PPP1R36: variants seen among roughly 807,000 people sequenced by gnomAD.
PPP1R36 encodes chromosome 14 open reading frame 50.
PPP1R36 carries 47 observed loss-of-function variants against 53.4 expected under a neutral mutation model. The ratio of observed to expected loss-of-function variants is 0.88; its 90% CI spans 0.70 to 1.12. PPP1R36 has a LOEUF of 1.12. Among genes scored for constraint, PPP1R36 ranks in the 50% most tolerant of loss-of-function variants. The pLI is 0.00. For synonymous variants in PPP1R36, 153 were observed against 170.5 expected (o/e 0.90, Z 0.80); for missense variants, 456 against 513.9 (o/e 0.89, Z 1.09).
At chr14:64,562,938 C>T (rs1449822935) in intron 3 of PPP1R36, among the ~76,000 whole-genome samples, 2 of 152,124 alleles carry the variant, frequency 1.3e-5, no homozygotes, top group African/African-American at 4.8e-5. Context: ...ATGATCTCGG[C>T]TCACTGCAAC....
intron 9 of PPP1R36, 28 bp from the exon 10 acceptor site, chr14:64,587,166 C>T (rs750218745): frequency 1.3e-5 from 20 of 1,557,552 alleles, no homozygotes; most frequent in Admixed American, 5.3e-5. Context: ...AGCTAAGGAT[C>T]GTGATTCTTG....
chr14:64,552,196 A>G (rs2080099171), intron 2 of PPP1R36, among the ~76,000 whole-genome samples: 2 of 152,026 alleles, frequency 1.3e-5, no homozygotes. Context: ...CATTGAAGTG[A>G]CAAAACTGGT....
rs183428203 is a variant in PPP1R36, at chr14:64,556,845, C to T, written c.182+3984C>T. 4.1e-3 allele frequency among the ~76,000 whole-genome samples: 621 copies of T among 151,186 alleles called. 5 individuals carry two copies. The highest frequency in any genetic ancestry group is 0.015 in the African/African-American group (599 of 41,264). ...TTTTAGAATTTTAGAGACAGGGTCT[C>T]ACTTTGTCACCTAGGCTGGAGTGCC... On this transcript the variant is annotated intron_variant, in intron 3 of 11. Transcript: ENST00000298705.
chr14:64,559,514 T>G (rs2080187097), intron 3 of PPP1R36: 1 of 152,252 alleles, frequency 6.6e-6, no homozygotes, highest in Non-Finnish European at 1.5e-5. Context: ...GAAGGTGATA[T>G]CTAAGCTACG....
At chr14:64,566,095 C>T (rs1323381902) in intron 6 of PPP1R36, among the ~76,000 whole-genome samples, 4 of 152,128 alleles carry the variant, frequency 2.6e-5, no homozygotes, top group Admixed American at 6.5e-5. Flanking sequence ...TGGTGAAACC[C>T]CGTCTCTACT....
intron 7 of PPP1R36, among the ~76,000 whole-genome samples, chr14:64,573,913 CAAAAAAAAAAAAAAA>C (rs35427371): frequency 3.1e-5 from 1 of 32,520 alleles, no homozygotes. Flanking sequence ...GACTCTGTCT[CAAAAAAAAAAAAAAA>C]AAAAAAAAAA....
chr14:64,587,782 A>G (rs1483142051), intron 10 of PPP1R36, among the ~76,000 whole-genome samples: 1 of 150,800 alleles, frequency 6.6e-6, no homozygotes, highest in Non-Finnish European at 1.5e-5. Flanking sequence ...TTTTTCAGAC[A>G]GGATCTCATT....
In PPP1R36 at chr14:64,574,711, TG is replaced by T. The variant is rs1596740035; in HGVS notation, c.668+125del. On this transcript the variant is annotated intron_variant, in intron 8 of 11. Coordinates refer to ENST00000298705, the MANE Select transcript of PPP1R36 (RefSeq NM_172365.3). ...TCCTTTTTCTGTTGTCCAGAGTAAT[TG>T]GGCTCAGGTGAGAATCTGTCCCAAA... 2.9e-6 allele frequency: 3 copies of T among 1,044,862 alleles called. No homozygotes were observed. In the East Asian group the frequency reaches 7.3e-5, roughly 25 times the overall value. The allele number at this position is 1,044,862 out of a possible 1,614,324, so 64.7% of individuals were successfully genotyped here. A position where few individuals can be genotyped will look rare whatever the true frequency, so the allele number is the denominator to read the frequency against.
intron 6 of PPP1R36, among the ~76,000 whole-genome samples, chr14:64,567,582 A>C (rs1401077801): frequency 6.6e-6 from 1 of 152,208 alleles, no homozygotes; most frequent in Non-Finnish European, 1.5e-5. Flanking sequence ...ATTCATGTAC[A>C]TGTGTATATG....
intron 3 of PPP1R36, among the ~76,000 whole-genome samples, chr14:64,563,424 C>A (rs778196297): frequency 1.3e-5 from 2 of 148,882 alleles, no homozygotes; most frequent in African/African-American, 2.5e-5. Context: ...GCTTAGAAAT[C>A]ATCACTGGCC....
intron 3 of PPP1R36, among the ~76,000 whole-genome samples, chr14:64,561,330 A>G (rs934716721): frequency 7.9e-5 from 12 of 152,206 alleles, no homozygotes; most frequent in African/African-American, 2.7e-4. Context: ...CCTCAGAGAC[A>G]ACCTAGCTCC....
intron 8 of PPP1R36, among the ~76,000 whole-genome samples, chr14:64,585,781 T>C (rs2140251097): frequency 6.6e-6 from 1 of 152,312 alleles, no homozygotes; most frequent in Non-Finnish European, 1.5e-5. Context: ...GGTCTGGCCT[T>C]GGCCGCTGTG....
At chr14:64,584,947 C>G (rs2080419285) in intron 8 of PPP1R36, among the ~76,000 whole-genome samples, 1 of 152,200 alleles carries the variant, frequency 6.6e-6, no homozygotes, top group South Asian at 2.1e-4. Context: ...TGCCGTAGTT[C>G]TTTATTGAAG....
chr14:64,574,601 C>T lies in PPP1R36; in HGVS notation c.668+12C>T, dbSNP rs1402817313. On this transcript the variant is annotated intron_variant, in intron 8 of 11. Transcript: ENST00000298705. ...ATGTGCTGTGGAAAGTAAGCAGATA[C>T]TTACACTTCATTAGATCATCACTCC... 1 of 1,604,336 alleles carries T rather than the reference C, an allele frequency of 6.2e-7. No homozygotes were observed. The highest frequency in any genetic ancestry group is 1.3e-5 in the African/African-American group (1 of 74,428).
intron 2 of PPP1R36, chr14:64,551,513 G>C: frequency 2.4e-6 from 1 of 418,108 alleles, no homozygotes; most frequent in African/African-American, 2.0e-5. Context: ...TCTTACAAGT[G>C]TATAGCTAAA....
At chr14:64,579,474 TCAGCTTG>T (rs367761211) in intron 8 of PPP1R36, among the ~76,000 whole-genome samples, 1 of 152,334 alleles carries the variant, frequency 6.6e-6, no homozygotes, top group African/African-American at 2.4e-5. Flanking sequence ...TGGTGGAGGT[TCAGCTTG>T]CTATAGACTT....
Position 64,565,607 on chromosome 14 carries a change from G to C in PPP1R36, c.368-19G>C. 6.2e-7 allele frequency: 1 copy of C among 1,607,656 alleles called. No individual in the cohort carries two copies. Among genetic ancestry groups the C allele is most frequent in the Non-Finnish European group, 8.5e-7 (1 of 1,174,384 alleles). ...GTAGCTCTTTGTCCCTCTCTCAATT[G>C]TTCATTTTCTCTTTTCAGTTGTTAC... On this transcript the variant is annotated intron_variant, in intron 5 of 11. Coordinates refer to ENST00000298705, the MANE Select transcript of PPP1R36 (RefSeq NM_172365.3).
chr14:64,553,835 A>C (rs925417809), intron 3 of PPP1R36, among the ~76,000 whole-genome samples: 3 of 150,924 alleles, frequency 2.0e-5, no homozygotes, highest in African/African-American at 4.9e-5. Context: ...AAAAAAAAAA[A>C]AAAAAACAAC....
rs1379294953 is a variant in PPP1R36, at chr14:64,587,353, A to G, written c.871A>G (p.Met291Val). Residue 291 changes from methionine to valine, a missense_variant, in exon 10 of 12, where the codon ATG (methionine) becomes GTG (valine). Met to Val is a conservative substitution (Grantham distance 21). Transcript: ENST00000298705. ...DEESGGEKKR[M>V]TFVQFRRMMA... Reference sequence around the variant, plus strand: ...GGAATCAGGAGGGGAAAAGAAACGCATGACTTTTGTTCAGTTCAGGTATGA... The same window carrying G: ...GGAATCAGGAGGGGAAAAGAAACGCGTGACTTTTGTTCAGTTCAGGTATGA... The G allele has an allele frequency of 1.2e-6, 2 of 1,612,274 alleles. No homozygotes were observed. Among genetic ancestry groups the G allele is most frequent in the Admixed American group, 1.7e-5 (1 of 59,850 alleles).
Sources: gnomAD v4.1 joint callset for allele counts (sites outside exome capture counted in the v4.1 genomes callset) on GRCh38, gnomAD v4.1.1 for gene constraint, MANE v1.5 for transcripts, NCBI Gene and HGNC (gene_info 2026-07-23, HGNC 2026-07-21) for gene names.